GPR158: variants seen among roughly 807,000 people sequenced by gnomAD.
The protein encoded by GPR158 is G protein-coupled receptor 158, also known as metabotropic glycine receptor.
Under a neutral mutation model 78.2 loss-of-function variants are expected in GPR158, and 30 were observed. The ratio of observed to expected loss-of-function variants is 0.38; its 90% CI spans 0.29 to 0.52. The LOEUF is 0.52. GPR158 is among the 20% of genes least tolerant of loss of function. The pLI is 0.83. For synonymous variants in GPR158, 581 were observed against 591.1 expected, an observed-to-expected ratio of 0.98 and a Z score of 0.25; for missense variants, 1,463 against 1,523.5, an observed-to-expected ratio of 0.96 and a Z score of 0.66.
intron 5 of GPR158, among the ~76,000 whole-genome samples, chr10:25,478,229 T>C (rs992000620): frequency 1.3e-5 from 2 of 152,190 alleles, no homozygotes; most frequent in Non-Finnish European, 2.9e-5. Context: ...GAATCTTGGC[T>C]TTAGTTTGTC....
chr10:25,559,670 T>C (rs1836836558), intron 6 of GPR158, among the ~76,000 whole-genome samples: 1 of 152,242 alleles, frequency 6.6e-6, no homozygotes, highest in South Asian at 2.1e-4. Flanking sequence ...TATATTATAA[T>C]CCTAATGTTA....
chr10:25,522,603 A>T (rs1836292977), intron 5 of GPR158, among the ~76,000 whole-genome samples: 1 of 152,254 alleles, frequency 6.6e-6, no homozygotes, highest in African/African-American at 2.4e-5. Flanking sequence ...CTATAAAGAC[A>T]GACCTGTGAG....
intron 2 of GPR158, among the ~76,000 whole-genome samples, chr10:25,363,730 G>A (rs887002295): frequency 8.6e-5 from 13 of 151,880 alleles, no homozygotes; most frequent in Non-Finnish European, 1.5e-4. Context: ...TGTGGTGCCT[G>A]CTTCTTAATG....
At chr10:25,267,005 C>A (rs952297020) in intron 2 of GPR158, among the ~76,000 whole-genome samples, 1 of 152,196 alleles carries the variant, frequency 6.6e-6, no homozygotes, top group African/African-American at 2.4e-5. Flanking sequence ...AGTAAATATT[C>A]TTGAAAGAAA....
intron 4 of GPR158, among the ~76,000 whole-genome samples, chr10:25,443,588 G>A (rs982739793): frequency 2.4e-5 from 2 of 83,470 alleles, no homozygotes; most frequent in Non-Finnish European, 5.1e-5. Flanking sequence ...TTTTTTTTTT[G>A]TAGAGGTGTC....
intron 5 of GPR158, among the ~76,000 whole-genome samples, chr10:25,545,735 ATAT>A: frequency 6.6e-6 from 1 of 152,228 alleles, no homozygotes; most frequent in South Asian, 2.1e-4. Flanking sequence ...AAAAATGAAC[ATAT>A]TATTCTCCTT....
intron 4 of GPR158, among the ~76,000 whole-genome samples, chr10:25,464,981 C>A (rs1463049408): frequency 6.6e-6 from 1 of 152,160 alleles, no homozygotes; most frequent in African/African-American, 2.4e-5. Context: ...CAAGGCTGTT[C>A]ACTGACTAAA....
intron 4 of GPR158, among the ~76,000 whole-genome samples, chr10:25,428,136 T>A (rs1479453613): frequency 6.6e-6 from 1 of 152,086 alleles, no homozygotes; most frequent in Non-Finnish European, 1.5e-5. Flanking sequence ...AGCAAAACAA[T>A]GTTAAGGTAA....
intron 4 of GPR158, among the ~76,000 whole-genome samples, chr10:25,460,402 A>G (rs1835342827): frequency 6.6e-6 from 1 of 152,096 alleles, no homozygotes. Flanking sequence ...GGGTTTCGCC[A>G]TATTGGCCAG....
chr10:25,179,932 T>C (rs561747027), intron 1 of GPR158, among the ~76,000 whole-genome samples: 3 of 152,328 alleles, frequency 2.0e-5, no homozygotes, highest in South Asian at 2.1e-4. Flanking sequence ...TGATTTTTCT[T>C]CGTGGGACTT....
At chr10:25,249,606 G>T (rs1188382773) in intron 2 of GPR158, among the ~76,000 whole-genome samples, 1 of 151,476 alleles carries the variant, frequency 6.6e-6, no homozygotes, top group Non-Finnish European at 1.5e-5. Context: ...TTATATGCTG[G>T]ATTACATTTA....
intron 2 of GPR158, among the ~76,000 whole-genome samples, chr10:25,242,109 G>A (rs982415149): frequency 2.0e-5 from 3 of 152,196 alleles, no homozygotes; most frequent in Non-Finnish European, 4.4e-5. Flanking sequence ...ACGTGGTTTC[G>A]TGAAATCTGC....
At chr10:25,573,223 CTTGAT>C (rs1464489441) in intron 7 of GPR158, among the ~76,000 whole-genome samples, 5 of 152,174 alleles carry the variant, frequency 3.3e-5, no homozygotes, top group African/African-American at 7.2e-5. Context: ...TGGCTATTCT[CTTGAT>C]TTATTTCCTT....
intron 1 of GPR158, among the ~76,000 whole-genome samples, chr10:25,185,695 C>T (rs1448995852): frequency 3.3e-5 from 5 of 152,100 alleles, no homozygotes; most frequent in Middle Eastern, 3.4e-3. Flanking sequence ...TGGTGGCAGG[C>T]GCCTGTAGTC....
chr10:25,324,500 CCAAA>C (rs1320655732), intron 2 of GPR158, among the ~76,000 whole-genome samples: 3 of 152,032 alleles, frequency 2.0e-5, no homozygotes, highest in East Asian at 3.9e-4. Flanking sequence ...TCATGGTATC[CCAAA>C]CAATTATAAA....
At chr10:25,352,392 T>G (rs1235572746) in intron 2 of GPR158, among the ~76,000 whole-genome samples, 1 of 152,032 alleles carries the variant, frequency 6.6e-6, no homozygotes, top group East Asian at 1.9e-4. Flanking sequence ...AGAAATAAAT[T>G]TATGCAAAAT....
At chr10:25,228,859 G>A (rs182925309) in intron 2 of GPR158, among the ~76,000 whole-genome samples, 346 of 151,744 alleles carry the variant, frequency 2.3e-3, no homozygotes, top group African/African-American at 8.0e-3. Context: ...GTGAAACCCC[G>A]TCTCTACTAA....
At chr10:25,236,110 A>G (rs766055578) in intron 2 of GPR158, among the ~76,000 whole-genome samples, 6 of 152,206 alleles carry the variant, frequency 3.9e-5, no homozygotes, top group Non-Finnish European at 7.3e-5. Flanking sequence ...TGTAAGCTCC[A>G]TGAGGGCAGA....
chr10:25,280,469 A>G (rs896646364), intron 2 of GPR158, among the ~76,000 whole-genome samples: 2 of 152,230 alleles, frequency 1.3e-5, no homozygotes, highest in Admixed American at 1.3e-4. Flanking sequence ...TAAGTTATGT[A>G]AAGCAAAAAT....
Sources: gnomAD v4.1 joint callset for allele counts (sites outside exome capture counted in the v4.1 genomes callset) on GRCh38, gnomAD v4.1.1 for gene constraint, MANE v1.5 for transcripts, NCBI Gene and HGNC (gene_info 2026-07-23, HGNC 2026-07-21) for gene names.